The following SATB1 variants were observed in gnomAD, a reference collection of about 807,000 sequenced individuals.
SATB1 encodes the protein SATB homeobox 1.
In SATB1, 11 loss-of-function variants were observed where a neutral mutation model predicts 86.9. The observed-to-expected ratio is 0.13, with a 90% CI of 0.08 to 0.21. SATB1 has a LOEUF of 0.21. SATB1 is among the 10% of genes least tolerant of loss of function. SATB1 has a pLI of 1.00. For synonymous variants in SATB1, 357 were observed against 357.2 expected (o/e 1.00, Z 0.01); for missense variants, 551 against 937.6 (o/e 0.59, Z 5.39).
chr3:18,351,494 G>GAAGGGCC (rs1220155305), intron 10 of SATB1: 5 of 1,007,924 alleles, frequency 5.0e-6, no homozygotes, highest in Admixed American at 4.5e-5. Context: ...CAAGGTGAAG[G>GAAGGGCC]AAGGGCCAAG....
At chr3:18,410,847 A>G (rs995342406) in intron 5 of SATB1, 1 of 367,500 alleles carries the variant, frequency 2.7e-6, no homozygotes, top group African/African-American at 2.1e-5. Flanking sequence ...ATAACATGAT[A>G]GATTTGTAAT....
chr3:18,373,155 G>A (rs1046221527), intron 9 of SATB1, among the ~76,000 whole-genome samples: 1 of 152,188 alleles, frequency 6.6e-6, no homozygotes, highest in African/African-American at 2.4e-5. Context: ...TCTCTCTTTA[G>A]AAAGTGAATG....
intron 9 of SATB1, among the ~76,000 whole-genome samples, chr3:18,359,044 T>C (rs1019758137): frequency 4.6e-5 from 7 of 152,044 alleles, no homozygotes; most frequent in Non-Finnish European, 7.4e-5. Context: ...TCTATTAAAA[T>C]TTTGTGAACT....
At chr3:18,410,779 A>G in intron 5 of SATB1, 1 of 311,160 alleles carries the variant, frequency 3.2e-6, no homozygotes, top group Middle Eastern at 8.8e-4. Context: ...TTTAAGAAAC[A>G]TGTCATTCCA....
rs767978788 is a variant in SATB1, at chr3:18,444,795, T to C, written c.-25+723A>G. ...GCAACTTGACTTCAAGTTGTCCTCTTTCCCCATACGAAGTGGGCGTTTAAA... is the reference window on the plus strand; with the variant it reads ...GCAACTTGACTTCAAGTTGTCCTCTCTCCCCATACGAAGTGGGCGTTTAAA... On this transcript the variant is annotated intron_variant, in intron 1 of 3. Coordinates refer to the SATB1 transcript ENST00000415069. The surrounding 1 kb of genome is among the most constrained non-coding windows in gnomAD (Gnocchi z 5.1). The C allele has an allele frequency of 6.8e-6, 2 of 294,860 alleles. No homozygotes were observed. The highest frequency in any genetic ancestry group is 2.3e-5 in the African/African-American group (1 of 43,492). 18.3% of individuals were successfully genotyped at this position (294,860 alleles called of 1,614,324 possible).
At chr3:18,415,346 G>T in intron 4 of SATB1, 112 bp from the exon 5 acceptor site, 1 of 1,231,052 alleles carries the variant, frequency 8.1e-7, no homozygotes, top group Non-Finnish European at 1.2e-6. Flanking sequence ...TGCATCTGGA[G>T]ATTGCTCTCG....
At chr3:18,361,152 A>G (rs1219799746) in intron 9 of SATB1, among the ~76,000 whole-genome samples, 1 of 152,070 alleles carries the variant, frequency 6.6e-6, no homozygotes, top group Admixed American at 6.6e-5. Context: ...CTGTAACCTC[A>G]TTTCCTCTAC....
upstream of SATB1, among the ~76,000 whole-genome samples, chr3:18,428,352 A>G (rs1403835500): frequency 6.6e-6 from 1 of 152,196 alleles, no homozygotes; most frequent in Non-Finnish European, 1.5e-5. Flanking sequence ...CCACGAATGG[A>G]TTAATCCATT....
chr3:18,356,263 T>A (rs909998519), intron 9 of SATB1, among the ~76,000 whole-genome samples: 4 of 151,808 alleles, frequency 2.6e-5, no homozygotes, highest in Admixed American at 2.6e-4. Flanking sequence ...AAGGAAATAC[T>A]GTTATGTACT....
At chr3:18,405,422 A>G (rs528216687) in intron 5 of SATB1, among the ~76,000 whole-genome samples, 1 of 152,050 alleles carries the variant, frequency 6.6e-6, no homozygotes, top group African/African-American at 2.4e-5. Flanking sequence ...AAACAAAACA[A>G]AACCAAAAAA....
chr3:18,409,076 C>T (rs1239897271), intron 5 of SATB1: 1 of 151,940 alleles, frequency 6.6e-6, no homozygotes, highest in Non-Finnish European at 1.5e-5. Context: ...AGATCTGAAA[C>T]AAGGCACAGG....
Position 18,349,768 on chromosome 3 carries a change from G to A in SATB1, c.1780-86C>T, listed in dbSNP as rs1392475808. On this transcript the variant is annotated intron_variant, in intron 10 of 10. Transcript: ENST00000338745. The surrounding 1 kb of genome is among the most constrained non-coding windows in gnomAD (Gnocchi z 5.5). ...CTCCAATCAGGAAAAATGTGGTCCC[G>A]GATCCTACATATAGCTTCTTTGATA... 31 of 1,490,830 alleles carry A rather than the reference G, an allele frequency of 2.1e-5. No homozygotes were observed. Among genetic ancestry groups the A allele is most frequent in the East Asian group, 4.9e-5 (2 of 40,466 alleles). The allele number at this position is 1,490,830 out of a possible 1,614,324, so 92.4% of individuals were successfully genotyped here. A position where few individuals can be genotyped will look rare whatever the true frequency, so the allele number is the denominator to read the frequency against.
At chr3:18,369,277 G>A (rs1000456944) in intron 9 of SATB1, among the ~76,000 whole-genome samples, 1 of 150,408 alleles carries the variant, frequency 6.6e-6, no homozygotes, top group Non-Finnish European at 1.5e-5. Flanking sequence ...AACATAATAC[G>A]GCATAGAATC....
chr3:18,410,439 G>A (rs1043625291), intron 5 of SATB1, among the ~76,000 whole-genome samples: 8 of 151,934 alleles, frequency 5.3e-5, no homozygotes, highest in South Asian at 2.1e-4. Flanking sequence ...AGCCATGGAC[G>A]CTCACTCATG....
chr3:18,374,350 T>C (rs1695631136), intron 9 of SATB1, among the ~76,000 whole-genome samples: 1 of 152,154 alleles, frequency 6.6e-6, no homozygotes, highest in African/African-American at 2.4e-5. Context: ...ATTACCCAAA[T>C]CAACTATTTT....
intron 1 of SATB1, 53 bp downstream of exon 1, chr3:18,423,574 A>T (rs1310442254): frequency 1.3e-5 from 2 of 152,308 alleles, no homozygotes; most frequent in Non-Finnish European, 2.9e-5. Context: ...ATCTAGAAAC[A>T]GAAACACTGC....
At chr3:18,379,138 A>T (rs1695913661) in intron 8 of SATB1, among the ~76,000 whole-genome samples, 1 of 152,240 alleles carries the variant, frequency 6.6e-6, no homozygotes, top group South Asian at 2.1e-4. Context: ...AAAAATCAGC[A>T]TCAATGCCTT....
upstream of SATB1, among the ~76,000 whole-genome samples, chr3:18,430,036 A>G (rs1698838579): frequency 6.6e-6 from 1 of 152,206 alleles, no homozygotes; most frequent in African/African-American, 2.4e-5. Context: ...GAAGGTGGCT[A>G]TATCATTTAA....
chr3:18,434,967 A>C (rs1429584217), intron 2 of SATB1: 3 of 152,106 alleles, frequency 2.0e-5, no homozygotes, highest in Non-Finnish European at 2.9e-5. Flanking sequence ...TGACTGGTAA[A>C]TTCTTTTCTC....
Sources: allele counts gnomAD v4.1 joint callset (sites outside exome capture counted in the v4.1 genomes callset), GRCh38; gene constraint gnomAD v4.1.1; non-coding constraint Gnocchi (gnomAD v3.1); transcripts MANE v1.5; gene names NCBI Gene and HGNC (gene_info 2026-07-23, HGNC 2026-07-21).